The following BTBD1 variants were observed in gnomAD, a reference collection of about 807,000 sequenced individuals.
BTBD1 encodes the protein BTB domain containing 1, also known as BTB/POZ domain-containing protein 1.
In BTBD1, 34 loss-of-function variants were observed where a neutral mutation model predicts 48.0. The ratio of observed to expected loss-of-function variants is 0.71; its 90% confidence interval spans 0.54 to 0.94. The LOEUF is 0.94. Among genes scored for constraint, BTBD1 ranks in the 40% least tolerant of loss-of-function variants. The pLI is 0.00. For synonymous variants in BTBD1, 261 were observed against 242.1 expected, an observed-to-expected ratio of 1.08 and a Z score of -0.72; for missense variants, 543 against 625.6, an observed-to-expected ratio of 0.87 and a Z score of 1.41.
chr15:83,047,648 C>G (rs2032905024), intron 3 of BTBD1, among the ~76,000 whole-genome samples: 1 of 152,200 alleles, frequency 6.6e-6, no homozygotes, highest in African/African-American at 2.4e-5. Flanking sequence ...TCCACACTTT[C>G]TCCCATCTGC....
intron 1 of BTBD1, among the ~76,000 whole-genome samples, chr15:83,059,571 A>C (rs1003300530): frequency 6.6e-6 from 1 of 151,980 alleles, no homozygotes; most frequent in South Asian, 2.1e-4. Flanking sequence ...ACAACAACAA[A>C]AGTTTATAGC....
At chr15:83,050,203 T>C in intron 2 of BTBD1, 25 bp from the exon 3 acceptor site, 1 of 1,470,830 alleles carries the variant, frequency 6.8e-7, no homozygotes, top group Non-Finnish European at 9.5e-7. Flanking sequence ...AGATAGTTAT[T>C]TAACTTTCAT....
At chr15:83,057,636 C>T (rs2033110092) in intron 1 of BTBD1, among the ~76,000 whole-genome samples, 3 of 152,202 alleles carry the variant, frequency 2.0e-5, no homozygotes, top group African/African-American at 7.2e-5. Context: ...CTCCACAGCA[C>T]CATGTGCTGG....
intron 1 of BTBD1, among the ~76,000 whole-genome samples, chr15:83,062,469 T>G (rs889826839): frequency 8.5e-5 from 13 of 152,194 alleles, no homozygotes; most frequent in Admixed American, 2.0e-4. Context: ...TATTGCTTTT[T>G]GGGGGTTGCT....
At chr15:83,043,464 G>A (rs1052664909) in intron 3 of BTBD1, among the ~76,000 whole-genome samples, 1 of 152,128 alleles carries the variant, frequency 6.6e-6, no homozygotes, top group Non-Finnish European at 1.5e-5. Flanking sequence ...GGAGGATTCT[G>A]AGTTGTCACA....
intron 4 of BTBD1, among the ~76,000 whole-genome samples, chr15:83,034,411 C>T (rs1041600773): frequency 6.6e-6 from 1 of 152,186 alleles, no homozygotes; most frequent in East Asian, 1.9e-4. Flanking sequence ...GCCAGGAGTT[C>T]GAGACTAGCC....
intron 1 of BTBD1, chr15:83,061,785 C>T (rs1288756313): frequency 6.6e-6 from 1 of 152,212 alleles, no homozygotes; most frequent in Non-Finnish European, 1.5e-5. Context: ...GACGACAAAC[C>T]ACCTAAGTGA....
rs2032275964 is a variant in BTBD1, at chr15:83,020,661, G to T, written c.1143+14C>A. The T allele has an allele frequency of 2.0e-6, 3 of 1,506,240 alleles. No homozygotes were observed. Among genetic ancestry groups the T allele is most frequent in the Non-Finnish European group, 2.7e-6 (3 of 1,091,828 alleles). The allele number at this position is 1,506,240 out of a possible 1,614,324, so 93.3% of individuals were successfully genotyped here. A position where few individuals can be genotyped will look rare whatever the true frequency, so the allele number is the denominator to read the frequency against. ...TTATTTCAAAATGATATATGGTGGG[G>T]GAGGAAACTGTACCTGTATATTCAC... On this transcript the variant is annotated intron_variant, in intron 6 of 7. Transcript: ENST00000261721.
At chr15:83,054,275 T>C (rs966294935) in intron 2 of BTBD1, among the ~76,000 whole-genome samples, 3 of 151,822 alleles carry the variant, frequency 2.0e-5, no homozygotes, top group Admixed American at 6.6e-5. Context: ...GAGGTGGAGG[T>C]TGCAGTGAGC....
intron 2 of BTBD1, 71 bp from the exon 3 acceptor site, chr15:83,050,249 TAATA>T: frequency 3.4e-6 from 3 of 882,864 alleles, no homozygotes; most frequent in Middle Eastern, 6.6e-4. Context: ...TATTTGAAAT[TAATA>T]TTGTCAACAG....
chr15:83,022,495 A>C (rs1025383837), intron 5 of BTBD1: 2 of 151,830 alleles, frequency 1.3e-5, no homozygotes, highest in African/African-American at 2.4e-5. Flanking sequence ...AACATGGTGA[A>C]GCCTCACCTC....
intron 1 of BTBD1, among the ~76,000 whole-genome samples, chr15:83,057,449 G>T (rs1013248170): frequency 6.6e-6 from 1 of 152,126 alleles, no homozygotes; most frequent in Non-Finnish European, 1.5e-5. Flanking sequence ...AAAAAAAATT[G>T]CCTCAGTAAA....
intron 5 of BTBD1, among the ~76,000 whole-genome samples, chr15:83,026,792 G>A (rs764984617): frequency 6.8e-4 from 104 of 152,092 alleles, no homozygotes; most frequent in Non-Finnish European, 1.2e-3. Flanking sequence ...AAAGTGTGGG[G>A]ATTACAGGCA....
chr15:83,020,936 C>T (rs10400812), intron 5 of BTBD1, 174 bp from the exon 6 acceptor site: 208,735 of 497,372 alleles, frequency 0.42, 46,312 homozygotes, highest in Middle Eastern at 0.49. Flanking sequence ...CTTTCTAGAG[C>T]AGATTTGAAC....
intron 1 of BTBD1, among the ~76,000 whole-genome samples, chr15:83,062,521 T>C (rs1218889914): frequency 6.6e-6 from 1 of 152,200 alleles, no homozygotes; most frequent in Non-Finnish European, 1.5e-5. Context: ...TGCAGGGGGA[T>C]AAGAAGTATG....
chr15:83,051,504 A>G (rs1465254367), intron 2 of BTBD1, among the ~76,000 whole-genome samples: 2 of 149,818 alleles, frequency 1.3e-5, no homozygotes, highest in African/African-American at 4.9e-5. Flanking sequence ...AGTTTAAAAC[A>G]TTTACATATA....
chr15:83,028,288 C>G (rs768012345), intron 5 of BTBD1, among the ~76,000 whole-genome samples: 5 of 152,092 alleles, frequency 3.3e-5, no homozygotes, highest in African/African-American at 9.7e-5. Flanking sequence ...TATCAAAAGC[C>G]TTTCTGACAT....
chr15:83,052,233 C>G (rs2033000912), intron 2 of BTBD1, among the ~76,000 whole-genome samples: 1 of 152,014 alleles, frequency 6.6e-6, no homozygotes, highest in Non-Finnish European at 1.5e-5. Context: ...CAAGCATGGG[C>G]CACCGTGCTT....
At chr15:83,030,359 A>C (rs1567104247) in intron 4 of BTBD1, 31 bp from the exon 5 acceptor site, 8 of 1,565,536 alleles carry the variant, frequency 5.1e-6, no homozygotes, top group Non-Finnish European at 5.2e-6. Flanking sequence ...GCCTAAAAAA[A>C]GGAATTTGAT....
Sources: allele counts gnomAD v4.1 joint callset (sites outside exome capture counted in the v4.1 genomes callset), GRCh38; gene constraint gnomAD v4.1.1; transcripts MANE v1.5; gene names NCBI Gene and HGNC (gene_info 2026-07-23, HGNC 2026-07-21).